The following GRIA1 variants were observed in gnomAD, a reference collection of about 807,000 sequenced individuals.
The protein encoded by GRIA1 is glutamate receptor 1.
Under a neutral mutation model 99.2 loss-of-function variants are expected in GRIA1, and 31 were observed. That is an observed-to-expected ratio of 0.31 (90% CI 0.23 to 0.42). The LOEUF is 0.42. Ranked by LOEUF, GRIA1 falls within the 10% of genes least tolerant of loss-of-function variation. GRIA1 has a pLI of 1.00. For synonymous variants in GRIA1, 438 were observed against 432.4 expected, an observed-to-expected ratio of 1.01 and a Z score of -0.16; for missense variants, 782 against 1,157.5, an observed-to-expected ratio of 0.68 and a Z score of 4.71.
At chr5:153,603,344 C>T (rs1304723203) in intron 2 of GRIA1, among the ~76,000 whole-genome samples, 2 of 151,682 alleles carry the variant, frequency 1.3e-5, no homozygotes, top group African/African-American at 4.8e-5. Flanking sequence ...TGGGTTGGTT[C>T]CAAGTCTTTG....
At chr5:153,491,398 T>TGC in intron 1 of GRIA1, 1 of 704,626 alleles carries the variant, frequency 1.4e-6, no homozygotes, top group Non-Finnish European at 1.8e-6. Flanking sequence ...CATATATATG[T>TGC]AATTGAAGGA....
chr5:153,602,746 G>C (rs866151511), intron 2 of GRIA1, among the ~76,000 whole-genome samples: 1 of 152,074 alleles, frequency 6.6e-6, no homozygotes, highest in Non-Finnish European at 1.5e-5. Flanking sequence ...ACATCTCTAC[G>C]ATGGAGGAAG....
intron 15 of GRIA1, 33 bp downstream of exon 15, chr5:153,802,523 C>G: frequency 6.2e-7 from 1 of 1,612,078 alleles, no homozygotes; most frequent in Middle Eastern, 1.7e-4. Context: ...TTTTCCTAAC[C>G]TGTTCTGTGA....
chr5:153,677,224 C>A, intron 7 of GRIA1, 63 bp downstream of exon 7: 1 of 1,268,330 alleles, frequency 7.9e-7, no homozygotes, highest in Non-Finnish European at 1.0e-6. Flanking sequence ...GCATCAAATT[C>A]CAATAAAACA....
chr5:153,512,667 C>T (rs1049929552), intron 2 of GRIA1, among the ~76,000 whole-genome samples: 7 of 152,198 alleles, frequency 4.6e-5, no homozygotes, highest in African/African-American at 1.4e-4. Context: ...ACCACTTCTA[C>T]CTTGATGACC....
intron 2 of GRIA1, among the ~76,000 whole-genome samples, chr5:153,547,377 G>T (rs1365462303): frequency 1.3e-5 from 2 of 152,066 alleles, no homozygotes; most frequent in Non-Finnish European, 2.9e-5. Context: ...TAACCACATA[G>T]TTCAATACCC....
At chr5:153,738,796 C>T (rs929372639) in intron 11 of GRIA1, among the ~76,000 whole-genome samples, 17 of 141,200 alleles carry the variant, frequency 1.2e-4, no homozygotes, top group Non-Finnish European at 2.2e-4. Flanking sequence ...GATCTCGGCT[C>T]ACCGCAACCT....
intron 2 of GRIA1, among the ~76,000 whole-genome samples, chr5:153,642,460 C>T (rs551422843): frequency 1.3e-5 from 2 of 152,066 alleles, no homozygotes; most frequent in South Asian, 2.1e-4. Flanking sequence ...GTCACAGTGG[C>T]TCACACCTGT....
At chr5:153,555,150 A>T (rs4997016) in intron 2 of GRIA1, among the ~76,000 whole-genome samples, 70,075 of 150,682 alleles carry the variant, frequency 0.47, 17,988 homozygotes, top group Non-Finnish European at 0.59. Flanking sequence ...TAGAGTAAAC[A>T]CCTTTTTTAT....
At chr5:153,707,968 A>G (rs959891937) in intron 11 of GRIA1, among the ~76,000 whole-genome samples, 2 of 152,144 alleles carry the variant, frequency 1.3e-5, no homozygotes, top group Non-Finnish European at 1.5e-5. Context: ...GGAAGAAACA[A>G]TTCCTAACTA....
intron 2 of GRIA1, among the ~76,000 whole-genome samples, chr5:153,635,298 A>C (rs1753268538): frequency 6.6e-6 from 1 of 152,198 alleles, no homozygotes; most frequent in Non-Finnish European, 1.5e-5. Context: ...GTAGTGGTTC[A>C]TTCGTGAACC....
chr5:153,646,115 T>G (rs1217842859), intron 2 of GRIA1, among the ~76,000 whole-genome samples: 2 of 152,174 alleles, frequency 1.3e-5, no homozygotes, highest in Non-Finnish European at 2.9e-5. Context: ...AGAAGTATAA[T>G]CAACCACAAA....
chr5:153,765,919 T>C (rs1763487295), intron 12 of GRIA1, among the ~76,000 whole-genome samples: 1 of 152,146 alleles, frequency 6.6e-6, no homozygotes, highest in South Asian at 2.1e-4. Context: ...CACAGCTAAT[T>C]AGTAGCAGAA....
chr5:153,776,187 G>A (rs1251245268), intron 13 of GRIA1, among the ~76,000 whole-genome samples: 6 of 152,158 alleles, frequency 3.9e-5, no homozygotes, highest in African/African-American at 1.4e-4. Context: ...GGTCATCTTG[G>A]TAGGAGATAA....
chr5:153,491,808 T>C (rs1425002088), intron 1 of GRIA1, among the ~76,000 whole-genome samples: 1 of 152,210 alleles, frequency 6.6e-6, no homozygotes, highest in African/African-American at 2.4e-5. Flanking sequence ...ACATGCTGCA[T>C]GCTTTTTTTG....
intron 2 of GRIA1, among the ~76,000 whole-genome samples, chr5:153,509,500 T>A (rs931390902): frequency 2.0e-5 from 3 of 152,164 alleles, no homozygotes; most frequent in Non-Finnish European, 2.9e-5. Context: ...CTTCTGTTCT[T>A]GAGAGGTTTT....
intron 2 of GRIA1, among the ~76,000 whole-genome samples, chr5:153,526,000 A>T (rs917573069): frequency 6.6e-6 from 1 of 152,172 alleles, no homozygotes; most frequent in African/African-American, 2.4e-5. Flanking sequence ...GTAAAAGAAA[A>T]CTACTCCTGT....
chr5:153,721,001 A>G (rs6859463), intron 11 of GRIA1, among the ~76,000 whole-genome samples: 79,449 of 152,062 alleles, frequency 0.52, 21,672 homozygotes, highest in East Asian at 0.94. Flanking sequence ...TAGGAGAGAT[A>G]GACATTGGTA....
chr5:153,678,457 T>G (rs898712291), intron 7 of GRIA1, among the ~76,000 whole-genome samples: 3 of 152,174 alleles, frequency 2.0e-5, no homozygotes, highest in Admixed American at 6.5e-5. Flanking sequence ...CTGCCATTTC[T>G]GCCCTCCCCT....
Sources: gnomAD v4.1 joint callset for allele counts (sites outside exome capture counted in the v4.1 genomes callset) on GRCh38, gnomAD v4.1.1 for gene constraint, MANE v1.5 for transcripts, NCBI Gene and HGNC (gene_info 2026-07-23, HGNC 2026-07-21) for gene names.